NYAP1: variants seen among roughly 807,000 people sequenced by gnomAD.
The protein encoded by NYAP1 is neuronal tyrosine-phosphorylated phosphoinositide-3-kinase adapter 1.
Under a neutral mutation model 58.6 loss-of-function variants are expected in NYAP1, and 20 were observed. The ratio of observed to expected loss-of-function variants is 0.34; its 90% confidence interval spans 0.24 to 0.50. NYAP1 has a LOEUF of 0.50. Among genes scored for constraint, NYAP1 ranks in the 20% least tolerant of loss-of-function variants. The pLI is 0.98. For missense variants in NYAP1, 1,150 were observed against 1,194.5 expected (o/e 0.96, Z 0.55); for synonymous variants, 572 against 523.1 (o/e 1.09, Z -1.27).
Position 100,486,680 on chromosome 7 carries a change from C to A in NYAP1, c.69-141C>A. The A allele has an allele frequency of 1.0e-6, 1 of 990,500 alleles. No individual in the cohort carries two copies. Among genetic ancestry groups the A allele is most frequent in the Non-Finnish European group, 1.4e-6 (1 of 718,400 alleles). The allele number at this position is 990,500 out of a possible 1,614,324, so 61.4% of individuals were successfully genotyped here. On this transcript the variant is annotated intron_variant, in intron 2 of 6. Coordinates refer to ENST00000300179, the MANE Select transcript of NYAP1 (RefSeq NM_173564.4). This position sits in a 1 kb window ranked among gnomAD's most constrained non-coding sequence, Gnocchi z 6.2. ...AAGCCCCTTCATTGGTGCCCTGGAC[C>A]TTCTGGCAACCCTGTCCCCACCCAG...
At position 100,487,624 on chromosome 7, in the gene NYAP1, C is replaced by T. The variant is rs1366921675; in HGVS notation, c.430+442C>T. ...TCAAGCAGTTCTCCTGCCTCAGCCTCCCAGGTAGCTGGGATTACAGGCGTC... is the reference window on the plus strand; with the variant it reads ...TCAAGCAGTTCTCCTGCCTCAGCCTTCCAGGTAGCTGGGATTACAGGCGTC... On this transcript the variant is annotated intron_variant, in intron 3 of 6. Transcript: ENST00000300179. This position sits in a 1 kb window ranked among gnomAD's most constrained non-coding sequence, Gnocchi z 4.1. Among the ~76,000 whole-genome samples the T allele has an allele frequency of 6.6e-6, 1 of 152,186 alleles. No individual in the cohort carries two copies. The highest frequency in any genetic ancestry group is 1.5e-5 in the Non-Finnish European group (1 of 68,026).
Position 100,490,821 on chromosome 7 carries a change from T to A in NYAP1, c.2158+92T>A. 1 of 1,234,478 alleles carries A rather than the reference T, an allele frequency of 8.1e-7. No individual in the cohort carries two copies. Among genetic ancestry groups the A allele is most frequent in the Non-Finnish European group, 1.1e-6 (1 of 898,580 alleles). The allele number at this position is 1,234,478 out of a possible 1,614,324, so 76.5% of individuals were successfully genotyped here. A position where few individuals can be genotyped will look rare whatever the true frequency, so the allele number is the denominator to read the frequency against. The stretch of plus-strand genomic sequence containing the variant: ...ACCTGTCCTGACTTCCTCTCACCTG[T>A]TCACGTCTGTGCCCAGGGCCCTAAA... On this transcript the variant is annotated intron_variant, in intron 5 of 6. Coordinates refer to ENST00000300179, the MANE Select transcript of NYAP1 (RefSeq NM_173564.4). This position sits in a 1 kb window ranked among gnomAD's most constrained non-coding sequence, Gnocchi z 4.6.
Position 100,488,397 on chromosome 7 carries a change from G to A in NYAP1, c.676G>A (p.Gly226Arg). 1.3e-6 allele frequency: 2 copies of A among 1,597,212 alleles called. No homozygotes were observed. Among genetic ancestry groups the A allele is most frequent in the South Asian group, 2.2e-5 (2 of 89,346 alleles). The change falls in exon 4 of 7, where the codon GGA (glycine) becomes AGA (arginine). Residue 226 changes from glycine to arginine, a missense_variant. Coordinates refer to ENST00000300179, the MANE Select transcript of NYAP1 (RefSeq NM_173564.4). This position sits in a 1 kb window ranked among gnomAD's most constrained non-coding sequence, Gnocchi z 5.9. ...TGAGATGGTGGGGGACGTCTTTAGG[G>A]GAGGAGGACGAAGTGGAGGAGGCCT... ...YIEMVGDVFR[G>R]GGRSGGGLAG...
At chr7:100,491,495 G>A (rs1486443580) in intron 6 of NYAP1, among the ~76,000 whole-genome samples, 1 of 152,076 alleles carries the variant, frequency 6.6e-6, no homozygotes, top group African/African-American at 2.4e-5. Context: ...TACTCTGGAG[G>A]TTGAGGTAGG....
Position 100,490,919 on chromosome 7 carries a change from G to T in NYAP1, c.2159-67G>T. On this transcript the variant is annotated intron_variant, in intron 5 of 6. Coordinates refer to ENST00000300179, the MANE Select transcript of NYAP1 (RefSeq NM_173564.4). This position sits in a 1 kb window ranked among gnomAD's most constrained non-coding sequence, Gnocchi z 4.6. Reference sequence around the variant, plus strand: ...GCAGCCTGGACCATTCAAGGGCAGGGGACTGGGAACTAGGGGAGGGGTACC... The same window carrying T: ...GCAGCCTGGACCATTCAAGGGCAGGTGACTGGGAACTAGGGGAGGGGTACC... The T allele has an allele frequency of 8.6e-7, 1 of 1,162,330 alleles. No individual in the cohort carries two copies. Among genetic ancestry groups the T allele is most frequent in the East Asian group, 2.6e-5 (1 of 38,798 alleles). 72.0% of individuals were successfully genotyped at this position (1,162,330 alleles called of 1,614,324 possible).
intron 6 of NYAP1, 120 bp downstream of exon 6, chr7:100,491,215 T>C: frequency 1.5e-6 from 1 of 650,594 alleles, no homozygotes; most frequent in Non-Finnish European, 2.6e-6. Context: ...ATCCCAGCAC[T>C]TTGGGAGGCC....
In NYAP1 at chr7:100,493,782, G is replaced by A; in HGVS notation, c.2405G>A (p.Gly802Asp). The change falls in exon 7 of 7, where the codon GGC becomes GAC. Residue 802 changes from glycine (G) to aspartate (D), a missense_variant. Physicochemically the swap from Gly to Asp is moderately conservative, Grantham distance 94. Transcript: ENST00000300179. ...EIKARHRPDR[G>D]LCKQESMPIL... ...AAGGCGCGCCACCGCCCGGACCGAG[G>A]CCTCTGCAAGCAGGAGAGCATGCCC... 6.2e-7 allele frequency: 1 copy of A among 1,605,030 alleles called. No individual in the cohort carries two copies. The highest frequency in any genetic ancestry group is 8.5e-7 in the Non-Finnish European group (1 of 1,178,096).
intron 6 of NYAP1, 64 bp downstream of exon 6, chr7:100,491,159 A>G: frequency 9.2e-7 from 1 of 1,082,666 alleles, no homozygotes; most frequent in Non-Finnish European, 1.4e-6. Context: ...TATGCAAAGA[A>G]AAGCAATAAA....
At chr7:100,492,048 T>G (rs1429164054) in intron 6 of NYAP1, among the ~76,000 whole-genome samples, 1 of 147,702 alleles carries the variant, frequency 6.8e-6, no homozygotes, top group African/African-American at 2.5e-5. Flanking sequence ...AGACTCTGTC[T>G]CAAAAAAAAC....
In NYAP1 at chr7:100,493,783, C is replaced by G; in HGVS notation, c.2406C>G (p.Gly802=). Residue 802 remains glycine, a synonymous_variant, in exon 7 of 7, where the codon GGC becomes GGG. Transcript: ENST00000300179. ...EIKARHRPDR[G]LCKQESMPIL... is the part of the protein sequence containing the mutation. The stretch of plus-strand genomic sequence containing the variant: ...AGGCGCGCCACCGCCCGGACCGAGG[C>G]CTCTGCAAGCAGGAGAGCATGCCCA... 6.2e-7 allele frequency: 1 copy of G among 1,605,074 alleles called. No homozygotes were observed. The highest frequency in any genetic ancestry group is 8.5e-7 in the Non-Finnish European group (1 of 1,178,090).
chr7:100,492,326 G>C (rs1253327785), intron 6 of NYAP1, among the ~76,000 whole-genome samples: 1 of 152,132 alleles, frequency 6.6e-6, no homozygotes, highest in African/African-American at 2.4e-5. Flanking sequence ...GGTTGGGAGA[G>C]GATCTGGGAA....
At position 100,494,068 on chromosome 7, in the gene NYAP1, C is replaced by G. The variant is rs1470532413; in HGVS notation, c.*165C>G. 1.6e-6 allele frequency: 1 copy of G among 618,510 alleles called. No individual in the cohort carries two copies. 38.3% of individuals were successfully genotyped at this position (618,510 alleles called of 1,614,324 possible). ...CCGGGATGGGGAGAGTCTGCCAGGC[C>G]CATTGGGCTTAGGATGCCAACAGCG... On this transcript the variant is annotated 3_prime_UTR_variant, in exon 7 of 7. Transcript: ENST00000300179.
chr7:100,487,064 C>T lies in NYAP1; in HGVS notation c.312C>T (p.Gly104=). The T allele has an allele frequency of 6.3e-7, 1 of 1,599,676 alleles. No individual in the cohort carries two copies. The highest frequency in any genetic ancestry group is 8.5e-7 in the Non-Finnish European group (1 of 1,173,052). ...GTGGCCCTGGCGGGGCCAGTGGGGG[C>T]CTCACAGAGGACAGCAGCACCCGAA... is the stretch of plus-strand genomic sequence containing the variant. ...VGGGPGGASG[G]LTEDSSTRRP... Residue 104 remains glycine, a synonymous_variant, in exon 3 of 7, where the codon GGC becomes GGT. Coordinates refer to ENST00000300179, the MANE Select transcript of NYAP1 (RefSeq NM_173564.4). This position sits in a 1 kb window ranked among gnomAD's most constrained non-coding sequence, Gnocchi z 4.1.
rs1161936457 is a variant in NYAP1 at position 100,489,115 on chromosome 7, C to T, written c.1394C>T (p.Ser465Leu). Residue 465 changes from serine to leucine, a missense_variant, in exon 4 of 7, where the codon TCG becomes TTG. Transcript: ENST00000300179. ...GCCGTGTCTTACACCATGGTGTACTCGGCGGTCAAGGTGACCACGCACTCT... is the reference window on the plus strand; with the variant it reads ...GCCGTGTCTTACACCATGGTGTACTTGGCGGTCAAGGTGACCACGCACTCT... ...DKAVSYTMVY[S>L]AVKVTTHSVL... is the part of the protein sequence containing the mutation. The T allele has an allele frequency of 1.3e-6, 2 of 1,589,656 alleles. No individual in the cohort carries two copies. Among genetic ancestry groups the T allele is most frequent in the African/African-American group, 1.3e-5 (1 of 74,544 alleles).
In NYAP1 at chr7:100,489,595, C is replaced by T. The variant is rs200055326; in HGVS notation, c.1874C>T (p.Ala625Val). 3.6e-5 allele frequency: 58 copies of T among 1,611,558 alleles called. No homozygotes were observed. Among genetic ancestry groups the T allele is most frequent in the African/African-American group, 1.7e-4 (13 of 74,360 alleles). The change falls in exon 4 of 7, where the codon GCG becomes GTG. Residue 625 changes from alanine (A) to valine (V), a missense_variant. By Grantham distance (64) the Ala-to-Val change is moderately conservative (BLOSUM62 0). Coordinates refer to ENST00000300179, the MANE Select transcript of NYAP1 (RefSeq NM_173564.4). Reference sequence around the variant, plus strand: ...GAGGAAGAAGAGGAGGTGGGCGCCGCGACATTTGGGGCAGGCTGGGCCCTG... The same window carrying T: ...GAGGAAGAAGAGGAGGTGGGCGCCGTGACATTTGGGGCAGGCTGGGCCCTG... ...PEEEEEEVGA[A>V]TFGAGWALQR...
At position 100,489,475 on chromosome 7, in the gene NYAP1, T is replaced by C. The variant is rs201640030; in HGVS notation, c.1754T>C (p.Met585Thr). Residue 585 changes from methionine to threonine, a missense_variant, in exon 4 of 7, where the codon ATG becomes ACG. Transcript: ENST00000300179. ...KGCGVGAPSP[M>T]VKIQLQEQGT... ...TGTGGTGTGGGGGCCCCATCCCCCA[T>C]GGTCAAGATCCAGCTGCAGGAGCAA... 2.2e-5 allele frequency: 36 copies of C among 1,613,086 alleles called. No homozygotes were observed. In the African/African-American group the frequency reaches 3.7e-4, roughly 17 times the overall value.
chr7:100,489,045 C>G lies in NYAP1; in HGVS notation c.1324C>G (p.Pro442Ala), dbSNP rs760039779. 4 of 1,542,622 alleles carry G rather than the reference C, an allele frequency of 2.6e-6. No homozygotes were observed. The highest frequency in any genetic ancestry group is 3.5e-6 in the Non-Finnish European group (4 of 1,147,910). ...CPKAAGAPAA[P>A]PAPAALLPGP... ...TAAGGCGGCGGGGGCGCCGGCAGCC[C>G]CCCCTGCCCCGGCCGCCTTGCTCCC... is the stretch of plus-strand genomic sequence containing the variant. The change falls in exon 4 of 7, where the codon CCC becomes GCC. Residue 442 changes from proline to alanine, a missense_variant. Pro to Ala is a conservative substitution (Grantham distance 27). Coordinates refer to ENST00000300179, the MANE Select transcript of NYAP1 (RefSeq NM_173564.4).
chr7:100,487,971 A>G lies in NYAP1; in HGVS notation c.431-181A>G, dbSNP rs1799729230. Among the ~76,000 whole-genome samples the G allele has an allele frequency of 6.6e-6, 1 of 152,166 alleles. No individual in the cohort carries two copies. Among genetic ancestry groups the G allele is most frequent in the African/African-American group, 2.4e-5 (1 of 41,438 alleles). On this transcript the variant is annotated intron_variant, in intron 3 of 6. Coordinates refer to ENST00000300179, the MANE Select transcript of NYAP1 (RefSeq NM_173564.4). The surrounding 1 kb of genome is among the most constrained non-coding windows in gnomAD (Gnocchi z 4.1). ...CAGTCTGGGCAACATGGCAAGACCCATCTCTATTAAAAAATAAAAAAGAAA... is the reference window on the plus strand; with the variant it reads ...CAGTCTGGGCAACATGGCAAGACCCGTCTCTATTAAAAAATAAAAAAGAAA...
rs1347233230 is a variant in NYAP1, at chr7:100,485,847, G to A, written c.68+468G>A. The stretch of plus-strand genomic sequence containing the variant: ...AGTGATGGGGTTGTGTGTGTGGTGG[G>A]CAGACATGCAGGCTGGGCCTTGCCA... On this transcript the variant is annotated intron_variant, in intron 2 of 6. Coordinates refer to ENST00000300179, the MANE Select transcript of NYAP1 (RefSeq NM_173564.4). This position sits in a 1 kb window ranked among gnomAD's most constrained non-coding sequence, Gnocchi z 5.7. Among the ~76,000 whole-genome samples the A allele has an allele frequency of 6.6e-6, 1 of 152,152 alleles. No individual in the cohort carries two copies.
Sources: allele counts gnomAD v4.1 joint callset (sites outside exome capture counted in the v4.1 genomes callset), GRCh38; gene constraint gnomAD v4.1.1; non-coding constraint Gnocchi (gnomAD v3.1); transcripts MANE v1.5; gene names NCBI Gene and HGNC (gene_info 2026-07-23, HGNC 2026-07-21).